NUP98: variants seen among roughly 807,000 people sequenced by gnomAD.
The protein encoded by NUP98 is nucleoporin 98 and 96 precursor.
NUP98 carries 26 observed loss-of-function variants against 191.9 expected under a neutral mutation model. The observed-to-expected ratio is 0.14, with a 90% CI of 0.10 to 0.19. The LOEUF is 0.19. NUP98 is among the 10% of genes least tolerant of loss of function. NUP98 has a pLI of 1.00. For synonymous variants in NUP98, 808 were observed against 778.4 expected, an observed-to-expected ratio of 1.04 and a Z score of -0.63; for missense variants, 1,941 against 2,178.8, an observed-to-expected ratio of 0.89 and a Z score of 2.17.
At chr11:3,778,809 AGAC>A in intron 4 of NUP98, 61 bp downstream of exon 4, 1 of 1,506,368 alleles carries the variant, frequency 6.6e-7, no homozygotes, top group Non-Finnish European at 9.0e-7. Flanking sequence ...AACGGAGAAA[AGAC>A]AACACATTCA....
intron 28 of NUP98, among the ~76,000 whole-genome samples, chr11:3,689,940 ATTT>A (rs989043726): frequency 3.0e-3 from 223 of 73,570 alleles, no homozygotes; most frequent in African/African-American, 0.012. Flanking sequence ...GCTGGCCTGC[ATTT>A]TTTTTTTTTT....
chr11:3,761,262 T>C (rs916962498), intron 9 of NUP98, among the ~76,000 whole-genome samples: 1 of 152,156 alleles, frequency 6.6e-6, no homozygotes, highest in African/African-American at 2.4e-5. Context: ...ATACTAAAAA[T>C]CACCTAGCTA....
rs115850559 is a variant in NUP98 at position 3,709,111 on chromosome 11, C to T, written c.2743-2484G>A. ...GAAAAGTAAGATATATCAAGACACC[C>T]TCATTCAACAGAGTGAATGACAAGT... On this transcript the variant is annotated intron_variant, in intron 20 of 32. Coordinates refer to ENST00000324932, the MANE Select transcript of NUP98 (RefSeq NM_016320.5). Among the ~76,000 whole-genome samples the T allele has an allele frequency of 4.4e-3, 669 of 152,288 alleles. 6 individuals carry two copies. Among genetic ancestry groups the T allele is most frequent in the African/African-American group, 0.016 (650 of 41,546 alleles).
chr11:3,725,073 A>T, intron 15 of NUP98, 30 bp downstream of exon 15: 1 of 992,110 alleles, frequency 1.0e-6, no homozygotes, highest in Non-Finnish European at 1.6e-6. Flanking sequence ...ACTCTCTACT[A>T]AGAAGAACTC....
At chr11:3,766,118 T>C (rs768386679) in intron 8 of NUP98, among the ~76,000 whole-genome samples, 4 of 152,206 alleles carry the variant, frequency 2.6e-5, no homozygotes, top group Non-Finnish European at 5.9e-5. Flanking sequence ...CTCACACCTG[T>C]AATCTCAGCA....
chr11:3,675,723 C>T lies in NUP98; in HGVS notation c.*436G>A. The T allele has an allele frequency of 3.8e-6, 1 of 262,060 alleles. No homozygotes were observed. Among genetic ancestry groups the T allele is most frequent in the Non-Finnish European group, 7.4e-6 (1 of 134,426 alleles). The allele number at this position is 262,060 out of a possible 1,614,324, so 16.2% of individuals were successfully genotyped here. ...ATCCCTCTTCCTTCTGTGGATAGTT[C>T]ATCTGTTAAGGATCCATTATCACCT... is the stretch of plus-strand genomic sequence containing the variant. On this transcript the variant is annotated 3_prime_UTR_variant, in exon 33 of 33. Coordinates refer to ENST00000324932, the MANE Select transcript of NUP98 (RefSeq NM_016320.5).
intron 26 of NUP98, among the ~76,000 whole-genome samples, chr11:3,694,393 A>T (rs2078431330): frequency 6.6e-6 from 1 of 151,750 alleles, no homozygotes; most frequent in African/African-American, 2.4e-5. Flanking sequence ...CAACAACAAA[A>T]ATAACGCTTC....
chr11:3,692,051 T>C (rs1047238349), intron 27 of NUP98, among the ~76,000 whole-genome samples: 7 of 152,116 alleles, frequency 4.6e-5, no homozygotes, highest in African/African-American at 1.7e-4. Context: ...ATATAGTTTG[T>C]AGTTCATGAG....
At chr11:3,677,312 C>T (rs1303311202) in intron 31 of NUP98, among the ~76,000 whole-genome samples, 1 of 151,958 alleles carries the variant, frequency 6.6e-6, no homozygotes. Flanking sequence ...AGCTAAAACC[C>T]CCAAAGGTGG....
chr11:3,703,010 A>G lies in NUP98; in HGVS notation c.3083-118T>C, dbSNP rs960367833. On this transcript the variant is annotated intron_variant, in intron 22 of 32. Coordinates refer to ENST00000324932, the MANE Select transcript of NUP98 (RefSeq NM_016320.5). ...CATTCAATGTTTAATCAAACTACTT[A>G]TATCAGATGTGGATGACCAGAAGCA... The G allele has an allele frequency of 1.4e-5, 12 of 841,774 alleles. No homozygotes were observed. The East Asian group carries it at 2.6e-4, about 19-fold the overall frequency. 52.1% of individuals were successfully genotyped at this position (841,774 alleles called of 1,614,324 possible).
chr11:3,750,957 C>G (rs1234040087), intron 11 of NUP98, among the ~76,000 whole-genome samples: 1 of 152,156 alleles, frequency 6.6e-6, no homozygotes, highest in African/African-American at 2.4e-5. Flanking sequence ...AATTCTACTT[C>G]ATTTTCTTCA....
intron 1 of NUP98, 61 bp downstream of exon 1, chr11:3,797,339 C>T (rs564708054): frequency 1.8e-5 from 7 of 399,986 alleles, no homozygotes; most frequent in Middle Eastern, 6.2e-4. Context: ...CGCGTCCGCC[C>T]GCCCGGAAGG....
At chr11:3,759,023 A>C in intron 10 of NUP98, among the ~76,000 whole-genome samples, 1 of 151,998 alleles carries the variant, frequency 6.6e-6, no homozygotes, top group East Asian at 1.9e-4. Flanking sequence ...GTTGATAAAC[A>C]TATTAATCTT....
At chr11:3,773,137 C>T (rs2081586743) in intron 6 of NUP98, among the ~76,000 whole-genome samples, 1 of 152,118 alleles carries the variant, frequency 6.6e-6, no homozygotes, top group Non-Finnish European at 1.5e-5. Context: ...CTCAGTGGCT[C>T]ATGCCTGTTA....
chr11:3,743,863 C>A (rs551168324), intron 12 of NUP98, among the ~76,000 whole-genome samples: 2 of 151,100 alleles, frequency 1.3e-5, no homozygotes, highest in African/African-American at 4.9e-5. Flanking sequence ...ATCAGCCTGG[C>A]GAACATGGTG....
chr11:3,767,314 G>A (rs1408403576), intron 8 of NUP98, among the ~76,000 whole-genome samples: 2 of 151,530 alleles, frequency 1.3e-5, no homozygotes, highest in Non-Finnish European at 2.9e-5. Flanking sequence ...AAGACATGGC[G>A]GTACAAGCAT....
At chr11:3,759,815 C>G (rs1261421199) in intron 10 of NUP98, among the ~76,000 whole-genome samples, 1 of 151,862 alleles carries the variant, frequency 6.6e-6, no homozygotes, top group Non-Finnish European at 1.5e-5. Context: ...AGAAAGGTTT[C>G]AACTTTCTTC....
intron 14 of NUP98, among the ~76,000 whole-genome samples, chr11:3,729,474 T>G (rs985645423): frequency 6.8e-6 from 1 of 147,288 alleles, no homozygotes; most frequent in South Asian, 2.1e-4. Flanking sequence ...TCCTAACACC[T>G]TGGGAGGCTG....
At chr11:3,756,853 C>T (rs1306102985) in intron 10 of NUP98, among the ~76,000 whole-genome samples, 7 of 151,266 alleles carry the variant, frequency 4.6e-5, no homozygotes, top group East Asian at 2.0e-4. Flanking sequence ...TTTGGGAGGC[C>T]GAGGTGAGCG....
Sources: gnomAD v4.1 joint callset for allele counts (sites outside exome capture counted in the v4.1 genomes callset) on GRCh38, gnomAD v4.1.1 for gene constraint, MANE v1.5 for transcripts, NCBI Gene and HGNC (gene_info 2026-07-23, HGNC 2026-07-21) for gene names.